Variants in DPH6 observed in about 807,000 individuals in gnomAD.
DPH6 encodes the protein diphthamine biosynthesis 6.
In DPH6, 33 loss-of-function variants were observed where a neutral mutation model predicts 38.2. That is an observed-to-expected ratio of 0.86 (90% CI 0.65 to 1.15). DPH6 has a LOEUF of 1.15. Among genes scored for constraint, DPH6 ranks in the 50% most tolerant of loss-of-function variants. The probability of loss-of-function intolerance (pLI) is 0.00; values close to 1 mark genes in which losing one functional copy is unlikely to be tolerated. For synonymous variants in DPH6, 108 were observed against 103.0 expected (o/e 1.05, Z -0.30); for missense variants, 325 against 320.0 (o/e 1.02, Z -0.12).
chr15:35,417,436 G>A (rs1397975934), intron 5 of DPH6, among the ~76,000 whole-genome samples: 1 of 151,874 alleles, frequency 6.6e-6, no homozygotes, highest in Non-Finnish European at 1.5e-5. Context: ...GAAGGTCAGG[G>A]TCATATTAGC....
At chr15:35,426,580 G>C (rs1371055870) in intron 5 of DPH6, among the ~76,000 whole-genome samples, 2 of 151,750 alleles carry the variant, frequency 1.3e-5, no homozygotes, top group African/African-American at 4.8e-5. Context: ...AATTACCACA[G>C]GTTAGTATGT....
chr15:35,347,256 C>T (rs2052470206), intron 3 of DPH6, among the ~76,000 whole-genome samples: 1 of 152,096 alleles, frequency 6.6e-6, no homozygotes, highest in African/African-American at 2.4e-5. Context: ...CTTTTTGTAA[C>T]TGGCTTTTCA....
At position 35,371,582 on chromosome 15, in the gene DPH6, A is replaced by T; in HGVS notation, c.*568T>A. 4.1e-6 allele frequency: 4 copies of T among 980,874 alleles called. No individual in the cohort carries two copies. The highest frequency in any genetic ancestry group is 4.8e-6 in the Non-Finnish European group (4 of 825,852). 60.8% of individuals were successfully genotyped at this position (980,874 alleles called of 1,614,324 possible). On this transcript the variant is annotated 3_prime_UTR_variant, in exon 9 of 9. Coordinates refer to ENST00000256538, the MANE Select transcript of DPH6 (RefSeq NM_080650.4). ...GTCAACATAGTTAATACTGAAAAAC[A>T]GCATTTTAAAAATCAGTTATAAAAT...
intron 3 of DPH6, among the ~76,000 whole-genome samples, chr15:35,479,213 G>C (rs1288880736): frequency 6.6e-6 from 1 of 151,944 alleles, no homozygotes; most frequent in African/African-American, 2.4e-5. Flanking sequence ...GTGACCAGAG[G>C]AAAACTGGGC....
In DPH6 at chr15:35,239,778, G is replaced by A. The variant is rs1354166883; in HGVS notation, n.201-19196C>T. ...TCCTTCACCCTTAGCAGCAAGTCCCGCTTTCCTAGGGGGCAAGAACCCCCC... is the reference window on the plus strand; with the variant it reads ...TCCTTCACCCTTAGCAGCAAGTCCCACTTTCCTAGGGGGCAAGAACCCCCC... On this transcript the variant is annotated intron_variant and non_coding_transcript_variant, in intron 3 of 3. Transcript: ENST00000560386. Among the ~76,000 whole-genome samples the A allele has an allele frequency of 1.3e-4, 18 of 141,246 alleles. 1 individual carries two copies. Among genetic ancestry groups the A allele is most frequent in the African/African-American group, 3.1e-4 (12 of 39,120 alleles). 92.7% of individuals were successfully genotyped at this position (141,246 alleles called of 152,430 possible).
chr15:35,267,201 G>A (rs377765636), intron 3 of DPH6, among the ~76,000 whole-genome samples: 1 of 152,204 alleles, frequency 6.6e-6, no homozygotes, highest in Non-Finnish European at 1.5e-5. Flanking sequence ...CTTCCAAAGA[G>A]CCTTGTAAAC....
intron 3 of DPH6, among the ~76,000 whole-genome samples, chr15:35,509,360 ATTATAAC>A (rs1491003648): frequency 6.6e-6 from 1 of 152,226 alleles, no homozygotes; most frequent in Admixed American, 6.5e-5. Context: ...GCTCGGCAAT[ATTATAAC>A]TACTGCTCTT....
chr15:35,315,585 T>C (rs1001884587), intron 3 of DPH6, among the ~76,000 whole-genome samples: 3 of 152,164 alleles, frequency 2.0e-5, no homozygotes, highest in Non-Finnish European at 4.4e-5. Context: ...CATACACTGT[T>C]GGTGGGAATG....
intron 3 of DPH6, among the ~76,000 whole-genome samples, chr15:35,314,288 T>C (rs1265590921): frequency 6.6e-6 from 1 of 152,188 alleles, no homozygotes; most frequent in African/African-American, 2.4e-5. Flanking sequence ...TGGAATACGT[T>C]TTTAAATACA....
At chr15:35,345,318 G>C (rs1444930290) in intron 3 of DPH6, among the ~76,000 whole-genome samples, 1 of 151,794 alleles carries the variant, frequency 6.6e-6, no homozygotes, top group African/African-American at 2.4e-5. Context: ...CGCAAATAAT[G>C]ATAGTTTTAT....
At chr15:35,282,606 A>G (rs1278933478) in intron 3 of DPH6, 2 of 380,622 alleles carry the variant, frequency 5.3e-6, no homozygotes, top group Non-Finnish European at 1.1e-5. Context: ...ATGGGAGATG[A>G]GCCAATCTGG....
intron 3 of DPH6, among the ~76,000 whole-genome samples, chr15:35,238,471 T>A (rs2051573247): frequency 6.6e-6 from 1 of 152,222 alleles, no homozygotes; most frequent in South Asian, 2.1e-4. Flanking sequence ...GAGCAAATGC[T>A]ACTGAGAACC....
At chr15:35,175,176 T>C in the DPH6 span, among the ~76,000 whole-genome samples, 1 of 152,196 alleles carries the variant, frequency 6.6e-6, no homozygotes, top group African/African-American at 2.4e-5. Context: ...ATACTGTACA[T>C]TGCCTGACCT....
At chr15:35,190,095 C>G in the DPH6 span, among the ~76,000 whole-genome samples, 2 of 151,950 alleles carry the variant, frequency 1.3e-5, no homozygotes, top group Non-Finnish European at 2.9e-5. Context: ...ATATGGAAGG[C>G]AATTGTGTTT....
chr15:35,545,585 G>A (rs898259883), intron 1 of DPH6, among the ~76,000 whole-genome samples: 2 of 152,228 alleles, frequency 1.3e-5, no homozygotes, highest in African/African-American at 4.8e-5. Context: ...TGAGGGAGGG[G>A]TGGACTTCTT....
At chr15:35,426,415 TAAG>T (rs1393763218) in intron 5 of DPH6, among the ~76,000 whole-genome samples, 2 of 151,840 alleles carry the variant, frequency 1.3e-5, no homozygotes, top group African/African-American at 4.8e-5. Flanking sequence ...CATTCTTTTC[TAAG>T]AAGGTTATTG....
At chr15:35,279,068 A>AAATATATATATATATATAT (rs1555390826) in intron 3 of DPH6, among the ~76,000 whole-genome samples, 3 of 102,972 alleles carry the variant, frequency 2.9e-5, no homozygotes, top group African/African-American at 1.4e-4. Context: ...AAAAAAAAAA[A>AAATATATATATATATATAT]ATATATATAT....
At chr15:35,473,904 A>G (rs2054227840) in intron 3 of DPH6, among the ~76,000 whole-genome samples, 1 of 149,474 alleles carries the variant, frequency 6.7e-6, no homozygotes, top group African/African-American at 2.5e-5. Flanking sequence ...GCGATAGAAC[A>G]CTGTGCACAG....
At chr15:35,289,920 A>G (rs1332009192) in intron 3 of DPH6, among the ~76,000 whole-genome samples, 1 of 152,188 alleles carries the variant, frequency 6.6e-6, no homozygotes, top group Non-Finnish European at 1.5e-5. Flanking sequence ...TACTTTTGGG[A>G]GTTCTGGTCT....
Sources: allele counts gnomAD v4.1 joint callset (sites outside exome capture counted in the v4.1 genomes callset), GRCh38; gene constraint gnomAD v4.1.1; transcripts MANE v1.5; gene names NCBI Gene and HGNC (gene_info 2026-07-23, HGNC 2026-07-21).